The following KCNIP4 variants were observed in gnomAD, a reference collection of about 807,000 sequenced individuals.
The protein encoded by KCNIP4 is potassium voltage-gated channel interacting protein 4.
A neutral mutation model predicts 34.0 loss-of-function variants in KCNIP4; 12 were observed. The ratio of observed to expected loss-of-function variants is 0.35; its 90% CI spans 0.23 to 0.57. KCNIP4 has a LOEUF of 0.57. KCNIP4 is among the 20% of genes least tolerant of loss of function. The pLI is 0.83. For missense variants in KCNIP4, 238 were observed against 311.7 expected, an observed-to-expected ratio of 0.76 and a Z score of 1.78; for synonymous variants, 124 against 102.2, an observed-to-expected ratio of 1.21 and a Z score of -1.29.
At chr4:20,997,597 G>A (rs1197011753) in intron 1 of KCNIP4, among the ~76,000 whole-genome samples, 1 of 152,156 alleles carries the variant, frequency 6.6e-6, no homozygotes, top group Non-Finnish European at 1.5e-5. Flanking sequence ...CGCTGTGAAT[G>A]ACCTGCAGCA....
At chr4:21,576,546 G>A (rs1740753781) in intron 1 of KCNIP4, among the ~76,000 whole-genome samples, 1 of 152,076 alleles carries the variant, frequency 6.6e-6, no homozygotes, top group Non-Finnish European at 1.5e-5. Flanking sequence ...AAATTGCTGA[G>A]TGCACTCAGA....
At position 21,490,172 on chromosome 4, in the gene KCNIP4, T is replaced by C. The variant is rs1037472428; in HGVS notation, c.61+458399A>G. Reference sequence around the variant, plus strand: ...AACAGATAATTTTGAAGTCTATTCATTTTCATAAACTTATAGGTTGGGAAC... The same window carrying C: ...AACAGATAATTTTGAAGTCTATTCACTTTCATAAACTTATAGGTTGGGAAC... On this transcript the variant is annotated intron_variant, in intron 1 of 8. Transcript: ENST00000382152. Among the ~76,000 whole-genome samples the C allele has an allele frequency of 9.9e-5, 15 of 152,154 alleles. 1 individual carries two copies. The highest frequency in any genetic ancestry group is 3.6e-4 in the African/African-American group (15 of 41,452).
chr4:21,632,859 G>T (rs1320445216), intron 1 of KCNIP4, among the ~76,000 whole-genome samples: 1 of 152,140 alleles, frequency 6.6e-6, no homozygotes, highest in African/African-American at 2.4e-5. Flanking sequence ...CAACTCAAAT[G>T]CTTCCATGAA....
chr4:20,967,228 A>C (rs747357756), intron 1 of KCNIP4, among the ~76,000 whole-genome samples: 5 of 152,114 alleles, frequency 3.3e-5, no homozygotes, highest in Admixed American at 1.3e-4. Flanking sequence ...AATACCCCAC[A>C]CATTTACTTG....
At chr4:21,519,696 GTGTGTGTATGTA>G (rs1176087223) in intron 1 of KCNIP4, among the ~76,000 whole-genome samples, 3 of 143,132 alleles carry the variant, frequency 2.1e-5, no homozygotes, top group Non-Finnish European at 4.6e-5. Context: ...ATATACACAC[GTGTGTGTATGTA>G]TGTGTATATA....
chr4:21,616,634 C>G (rs550257398), intron 1 of KCNIP4, among the ~76,000 whole-genome samples: 24 of 152,284 alleles, frequency 1.6e-4, no homozygotes, highest in South Asian at 8.3e-4. Flanking sequence ...TTCCTTGACT[C>G]TTTCTAGTCT....
At chr4:21,271,988 G>A (rs13119529) in intron 1 of KCNIP4, among the ~76,000 whole-genome samples, 39,050 of 152,044 alleles carry the variant, frequency 0.26, 5,204 homozygotes, top group South Asian at 0.35. Flanking sequence ...TTAAAAAATT[G>A]TCATTACTTA....
chr4:20,862,502 G>A (rs1722309791), intron 2 of KCNIP4, among the ~76,000 whole-genome samples: 1 of 152,096 alleles, frequency 6.6e-6, no homozygotes, highest in Non-Finnish European at 1.5e-5. Flanking sequence ...AGCTGAGAGG[G>A]ATTATGAGCA....
At chr4:20,736,047 A>C (rs1278641618) in intron 5 of KCNIP4, among the ~76,000 whole-genome samples, 1 of 152,194 alleles carries the variant, frequency 6.6e-6, no homozygotes, top group Non-Finnish European at 1.5e-5. Context: ...AATAAGTAAC[A>C]TCCATATAGT....
chr4:21,211,068 C>A (rs978117196), intron 1 of KCNIP4, among the ~76,000 whole-genome samples: 1 of 152,124 alleles, frequency 6.6e-6, no homozygotes, highest in African/African-American at 2.4e-5. Context: ...GTGACATAAT[C>A]TCTTACCAGG....
intron 1 of KCNIP4, among the ~76,000 whole-genome samples, chr4:21,017,640 T>C (rs1739666470): frequency 1.3e-5 from 2 of 152,220 alleles, no homozygotes. Context: ...TCAATAGTGC[T>C]GCAAGGAACA....
Position 21,368,402 on chromosome 4 carries a change from G to GACAT in KCNIP4, c.62-485697_62-485694dup, listed in dbSNP as rs777936737. Among the ~76,000 whole-genome samples, 4 of 147,316 alleles carry GACAT rather than the reference G, an allele frequency of 2.7e-5. 1 individual carries two copies. In the South Asian group the frequency reaches 8.4e-4, roughly 31 times the overall value. ...CTAATACACGTGCTTATGTAAGGGA[G>GACAT]ACATACACTCCCCCCAAAATAGCTA... On this transcript the variant is annotated intron_variant, in intron 1 of 8. Transcript: ENST00000382152.
chr4:21,710,593 G>GGATC (rs1713648485), intron 1 of KCNIP4, among the ~76,000 whole-genome samples: 1 of 152,140 alleles, frequency 6.6e-6, no homozygotes, highest in African/African-American at 2.4e-5. Context: ...AGCCACAGCT[G>GGATC]ACCTTCGGCC....
At chr4:21,103,207 G>A (rs944378805) in intron 1 of KCNIP4, among the ~76,000 whole-genome samples, 2 of 150,722 alleles carry the variant, frequency 1.3e-5, no homozygotes, top group African/African-American at 4.9e-5. Flanking sequence ...TAAACTGTAA[G>A]GTTTCTCTGA....
intron 1 of KCNIP4, among the ~76,000 whole-genome samples, chr4:21,707,831 A>C (rs1713403005): frequency 6.6e-6 from 1 of 151,996 alleles, no homozygotes; most frequent in Admixed American, 6.6e-5. Flanking sequence ...CTAAGTTTCC[A>C]GTCATAGATT....
At chr4:20,851,857 A>C (rs73242525) in intron 2 of KCNIP4, among the ~76,000 whole-genome samples, 53,432 of 152,022 alleles carry the variant, frequency 0.35, 10,388 homozygotes, top group Admixed American at 0.46. Flanking sequence ...ATAGCCTCTG[A>C]TAATGTTCAC....
At chr4:21,846,569 G>C (rs1042347836) in intron 1 of KCNIP4, 2 of 152,116 alleles carry the variant, frequency 1.3e-5, no homozygotes, top group Non-Finnish European at 2.9e-5. Context: ...TACTAGTATA[G>C]CATACATTCA....
At chr4:21,765,166 T>A (rs1001598725) in intron 1 of KCNIP4, among the ~76,000 whole-genome samples, 124 of 108,658 alleles carry the variant, frequency 1.1e-3, no homozygotes, top group African/African-American at 3.4e-3. Flanking sequence ...ACCTTTTTTT[T>A]TTTTTCCGAG....
At chr4:21,835,032 A>G (rs1430882857) in intron 1 of KCNIP4, among the ~76,000 whole-genome samples, 1 of 152,134 alleles carries the variant, frequency 6.6e-6, no homozygotes, top group East Asian at 1.9e-4. Flanking sequence ...AATGTTCATC[A>G]AGGATATTGG....
Sources: allele counts gnomAD v4.1 joint callset (sites outside exome capture counted in the v4.1 genomes callset), GRCh38; gene constraint gnomAD v4.1.1; transcripts MANE v1.5; gene names NCBI Gene and HGNC (gene_info 2026-07-23, HGNC 2026-07-21).